The following SMIM21 variants were observed in gnomAD, a reference collection of about 807,000 sequenced individuals.
SMIM21 encodes the protein chromosome 18 open reading frame 62.
SMIM21 carries 8 observed loss-of-function variants against 8.6 expected under a neutral mutation model. That is an observed-to-expected ratio of 0.93 (90% CI 0.55 to 1.68). The LOEUF (loss-of-function observed/expected upper bound fraction) is 1.68, where lower values mean the gene tolerates loss of function less well. Ranked by LOEUF, SMIM21 falls within the 40% of genes most tolerant of loss-of-function variation. The pLI, the probability that SMIM21 is intolerant of heterozygous loss-of-function variation, is 0.00. For synonymous variants in SMIM21, 43 were observed against 41.7 expected (o/e 1.03, Z -0.12); for missense variants, 132 against 123.0 (o/e 1.07, Z -0.35).
At chr18:75,422,449 GT>G (rs1388476928) in intron 1 of SMIM21, among the ~76,000 whole-genome samples, 1 of 152,094 alleles carries the variant, frequency 6.6e-6, no homozygotes, top group East Asian at 1.9e-4. Flanking sequence ...CAACATAGCA[GT>G]TCTGGTCATA....
intron 2 of SMIM21, among the ~76,000 whole-genome samples, chr18:75,415,773 T>C (rs1284247504): frequency 1.3e-5 from 2 of 152,252 alleles, no homozygotes; most frequent in Admixed American, 1.3e-4. Flanking sequence ...AGACATCTTT[T>C]CATCTATGTA....
At chr18:75,422,621 A>AT (rs2024721358) in intron 1 of SMIM21, among the ~76,000 whole-genome samples, 1 of 152,248 alleles carries the variant, frequency 6.6e-6, no homozygotes, top group African/African-American at 2.4e-5. Context: ...AGAGTGGAAT[A>AT]TTAGTCAGCC....
intron 2 of SMIM21, chr18:75,417,599 C>T (rs1266865220): frequency 6.6e-6 from 1 of 152,158 alleles, no homozygotes; most frequent in African/African-American, 2.4e-5. Context: ...GAAAATAAAA[C>T]TCAAGACTAT....
At chr18:75,411,419 A>G (rs1010979047) in intron 2 of SMIM21, among the ~76,000 whole-genome samples, 4 of 152,346 alleles carry the variant, frequency 2.6e-5, no homozygotes, top group South Asian at 2.1e-4. Flanking sequence ...GTTTTGTTAC[A>G]TGGTGGACAC....
At chr18:75,424,819 T>C (rs749577325) in intron 1 of SMIM21, among the ~76,000 whole-genome samples, 1 of 152,222 alleles carries the variant, frequency 6.6e-6, no homozygotes, top group Non-Finnish European at 1.5e-5. Context: ...ATTCCCAGAC[T>C]CAGGCTAAGG....
In SMIM21 at chr18:75,410,801, C is replaced by A. The variant is rs747124628; in HGVS notation, c.*63G>T. 1.2e-6 allele frequency: 2 copies of A among 1,602,434 alleles called. No homozygotes were observed. Among genetic ancestry groups the A allele is most frequent in the South Asian group, 1.1e-5 (1 of 87,564 alleles). On this transcript the variant is annotated 3_prime_UTR_variant, in exon 3 of 3. Transcript: ENST00000579022. Reference sequence around the variant, plus strand: ...AAGCAATCTGATTTCCTCTTAATTTCTTTTCATCTTGAGCAGGGGAAATCC... The same window carrying A: ...AAGCAATCTGATTTCCTCTTAATTTATTTTCATCTTGAGCAGGGGAAATCC...
At chr18:75,413,410 G>C (rs957523904) in intron 2 of SMIM21, among the ~76,000 whole-genome samples, 2 of 152,196 alleles carry the variant, frequency 1.3e-5, no homozygotes, top group African/African-American at 4.8e-5. Context: ...TCTCTGGCTT[G>C]TATCTGGAGA....
rs186961932 is a variant in SMIM21 at position 75,424,203 on chromosome 18, T to C, written c.129+3232A>G. 1.2e-3 allele frequency among the ~76,000 whole-genome samples: 184 copies of C among 152,322 alleles called. 1 individual carries two copies. The Middle Eastern group carries it at 0.014, about 11-fold the overall frequency. ...TGTTACAGTATTGATCCACTGACAC[T>C]TAAAAATAAGTAGCAAATACAATCA... On this transcript the variant is annotated intron_variant, in intron 1 of 2. Transcript: ENST00000579022.
chr18:75,412,308 C>T (rs545038966), intron 2 of SMIM21, among the ~76,000 whole-genome samples: 134 of 152,188 alleles, frequency 8.8e-4, no homozygotes, highest in African/African-American at 3.0e-3. Flanking sequence ...AAGAAAGGAA[C>T]GAAGAAAATA....
rs1197019140 is a variant in SMIM21, at chr18:75,409,546, A to G, written c.*1318T>C. 6.6e-6 allele frequency: 1 copy of G among 152,226 alleles called. No individual in the cohort carries two copies. The highest frequency in any genetic ancestry group is 2.4e-5 in the African/African-American group (1 of 41,452). The allele number at this position is 152,226 out of a possible 1,614,324, so 9.4% of individuals were successfully genotyped here. ...ATAAGCTGGTTTCTTTGTGAACACC[A>G]TCCATTCATTGTTGACCTCACTGGG... On this transcript the variant is annotated 3_prime_UTR_variant, in exon 3 of 3. Coordinates refer to ENST00000579022, the MANE Select transcript of SMIM21 (RefSeq NM_001037331.3).
intron 2 of SMIM21, among the ~76,000 whole-genome samples, chr18:75,414,299 T>A (rs759437829): frequency 1.3e-5 from 2 of 152,202 alleles, no homozygotes; most frequent in Admixed American, 6.5e-5. Flanking sequence ...AGTGTTTTCA[T>A]GTAAATGCAA....
At chr18:75,420,826 C>T (rs2024700315) in intron 1 of SMIM21, among the ~76,000 whole-genome samples, 1 of 152,114 alleles carries the variant, frequency 6.6e-6, no homozygotes, top group African/African-American at 2.4e-5. Flanking sequence ...TTCCAGGATC[C>T]TCCAGTTTTA....
At chr18:75,423,221 A>G (rs923531673) in intron 1 of SMIM21, among the ~76,000 whole-genome samples, 32 of 152,276 alleles carry the variant, frequency 2.1e-4, no homozygotes, top group African/African-American at 7.0e-4. Context: ...TGAGGGTTCA[A>G]GGTTGAAGTG....
intron 1 of SMIM21, among the ~76,000 whole-genome samples, chr18:75,426,668 A>G (rs2024767393): frequency 7.4e-6 from 1 of 135,952 alleles, no homozygotes; most frequent in Non-Finnish European, 1.6e-5. Context: ...AAAAAAAAAA[A>G]AAATGGAAAA....
intron 1 of SMIM21, among the ~76,000 whole-genome samples, chr18:75,420,725 G>T (rs1295851184): frequency 6.6e-6 from 1 of 152,174 alleles, no homozygotes; most frequent in Non-Finnish European, 1.5e-5. Context: ...CCAAGGAGTT[G>T]CTTGGGTATG....
At position 75,418,860 on chromosome 18, in the gene SMIM21, C is replaced by T. The variant is rs1599106803; in HGVS notation, c.186G>A (p.Met62Ile). 5.6e-6 allele frequency: 9 copies of T among 1,609,396 alleles called. No individual in the cohort carries two copies. The highest frequency in any genetic ancestry group is 7.7e-6 in the Non-Finnish European group (9 of 1,175,798). ...FFTLLVLFHV[M>I]VLLRNHSRIQ... ...TCCTGCTATGATTCCTCAGCAACAC[C>T]ATCACATGGAAAAGAACCAACAATG... Residue 62 changes from methionine to isoleucine, a missense_variant, in exon 2 of 3, where the codon ATG (methionine) becomes ATA (isoleucine). Transcript: ENST00000579022.
intron 1 of SMIM21, among the ~76,000 whole-genome samples, chr18:75,425,006 A>G (rs950326517): frequency 6.6e-6 from 1 of 152,222 alleles, no homozygotes; most frequent in African/African-American, 2.4e-5. Context: ...AGCTCCCTCA[A>G]GTCTCATGGC....
rs989309049 is a variant in SMIM21 at position 75,410,634 on chromosome 18, C to G, written c.*230G>C. Reference sequence around the variant, plus strand: ...TCGCAGGGTTGGGTGGCATCTGCAGCTCTCCTCCGGAATATTCCTGAACAG... The same window carrying G: ...TCGCAGGGTTGGGTGGCATCTGCAGGTCTCCTCCGGAATATTCCTGAACAG... On this transcript the variant is annotated 3_prime_UTR_variant, in exon 3 of 3. Coordinates refer to ENST00000579022, the MANE Select transcript of SMIM21 (RefSeq NM_001037331.3). 2.5e-6 allele frequency: 3 copies of G among 1,220,746 alleles called. No individual in the cohort carries two copies. Among genetic ancestry groups the G allele is most frequent in the African/African-American group, 3.1e-5 (2 of 65,172 alleles). 75.6% of individuals were successfully genotyped at this position (1,220,746 alleles called of 1,614,324 possible). A position where few individuals can be genotyped will look rare whatever the true frequency, so the allele number is the denominator to read the frequency against.
chr18:75,411,551 A>G (rs2024585056), intron 2 of SMIM21, among the ~76,000 whole-genome samples: 1 of 152,230 alleles, frequency 6.6e-6, no homozygotes, highest in African/African-American at 2.4e-5. Flanking sequence ...GAGATTGCAG[A>G]GGAGGGACAG....
Sources: allele counts gnomAD v4.1 joint callset (sites outside exome capture counted in the v4.1 genomes callset), GRCh38; gene constraint gnomAD v4.1.1; transcripts MANE v1.5; gene names NCBI Gene and HGNC (gene_info 2026-07-23, HGNC 2026-07-21).